Variants in DBF4 observed in about 807,000 individuals in gnomAD.
DBF4 encodes protein DBF4 homolog A.
A neutral mutation model predicts 76.6 loss-of-function variants in DBF4; 25 were observed. The observed-to-expected ratio is 0.33, with a 90% CI of 0.24 to 0.46. The LOEUF (loss-of-function observed/expected upper bound fraction) is 0.46, where lower values mean the gene tolerates loss of function less well. DBF4 is among the 20% of genes least tolerant of loss of function. The pLI is 1.00. For synonymous variants in DBF4, 213 were observed against 258.0 expected (o/e 0.83, Z 1.67); for missense variants, 638 against 760.8 (o/e 0.84, Z 1.90).
chr7:87,905,196 G>T (rs1032041697), intron 11 of DBF4, among the ~76,000 whole-genome samples: 3 of 152,186 alleles, frequency 2.0e-5, no homozygotes, highest in African/African-American at 7.2e-5. Context: ...TGATATTTTA[G>T]GTTTTGTGAG....
At chr7:87,893,668 T>C (rs1839553837) in intron 6 of DBF4, among the ~76,000 whole-genome samples, 1 of 152,232 alleles carries the variant, frequency 6.6e-6, no homozygotes, top group Admixed American at 6.5e-5. Context: ...TTTTTATTAG[T>C]ATTTACATAG....
At chr7:87,901,021 C>G in intron 10 of DBF4, 143 bp downstream of exon 10, 1 of 678,806 alleles carries the variant, frequency 1.5e-6, no homozygotes, top group Non-Finnish European at 2.5e-6. Flanking sequence ...AATTTTTATT[C>G]AGCAAATACT....
chr7:87,886,102 A>C (rs1010576037), intron 3 of DBF4, among the ~76,000 whole-genome samples: 1 of 152,194 alleles, frequency 6.6e-6, no homozygotes, highest in Non-Finnish European at 1.5e-5. Context: ...TAGAAGAAAG[A>C]ATGGAAAAGA....
intron 6 of DBF4, chr7:87,888,430 G>T (rs961644962): frequency 2.3e-5 from 15 of 643,350 alleles, no homozygotes; most frequent in Non-Finnish European, 2.9e-5. Flanking sequence ...TGCTCTAAAT[G>T]GTATAACAAA....
At chr7:87,899,097 A>G (rs574772346) in intron 8 of DBF4, among the ~76,000 whole-genome samples, 3 of 152,316 alleles carry the variant, frequency 2.0e-5, no homozygotes, top group Non-Finnish European at 2.9e-5. Flanking sequence ...AATTAACTCA[A>G]AATGGACCAA....
chr7:87,893,101 T>C (rs1205420562), intron 6 of DBF4, among the ~76,000 whole-genome samples: 1 of 152,214 alleles, frequency 6.6e-6, no homozygotes, highest in Non-Finnish European at 1.5e-5. Flanking sequence ...TCAGGCCTTG[T>C]TCTGTCCACT....
At chr7:87,897,844 G>T (rs556521688) in intron 8 of DBF4, among the ~76,000 whole-genome samples, 1 of 152,130 alleles carries the variant, frequency 6.6e-6, no homozygotes, top group African/African-American at 2.4e-5. Flanking sequence ...GCACGATCTC[G>T]GCTCACTGCA....
chr7:87,886,756 CA>C, intron 3 of DBF4, 87 bp from the exon 4 acceptor site: 1 of 815,330 alleles, frequency 1.2e-6, no homozygotes. Context: ...ATATGAGACC[CA>C]AAAGTTCTCT....
intron 2 of DBF4, 58 bp downstream of exon 2, chr7:87,878,283 T>A: frequency 7.6e-7 from 1 of 1,314,074 alleles, no homozygotes. Flanking sequence ...TACTTTCTAC[T>A]GTGTAATCAT....
At chr7:87,884,052 T>C (rs1025318447) in intron 2 of DBF4, among the ~76,000 whole-genome samples, 3 of 152,170 alleles carry the variant, frequency 2.0e-5, no homozygotes, top group Non-Finnish European at 4.4e-5. Context: ...TCAAACATTT[T>C]AGTAAAGAAA....
At position 87,908,229 on chromosome 7, in the gene DBF4, T is replaced by C; in HGVS notation, c.*66T>C. ...TATTCTTGAAATTTTTATAAATATG[T>C]ATGGAAATTCTTAGGATTTTTTTAC... On this transcript the variant is annotated 3_prime_UTR_variant, in exon 12 of 12. Coordinates refer to ENST00000265728, the MANE Select transcript of DBF4 (RefSeq NM_006716.4). 1 of 1,342,422 alleles carries C rather than the reference T, an allele frequency of 7.4e-7. No homozygotes were observed. Among genetic ancestry groups the C allele is most frequent in the African/African-American group, 1.5e-5 (1 of 66,582 alleles). The allele number at this position is 1,342,422 out of a possible 1,614,324, so 83.2% of individuals were successfully genotyped here.
At chr7:87,901,444 A>AT (rs985872068) in intron 10 of DBF4, among the ~76,000 whole-genome samples, 12 of 152,312 alleles carry the variant, frequency 7.9e-5, no homozygotes, top group African/African-American at 2.9e-4. Flanking sequence ...CAGATTGTGG[A>AT]TTTGTTTTAA....
intron 5 of DBF4, 62 bp downstream of exon 5, chr7:87,887,460 G>T: frequency 6.8e-7 from 1 of 1,478,922 alleles, no homozygotes; most frequent in South Asian, 1.3e-5. Context: ...CTGTCCTTTG[G>T]TTCCTGACTT....
At chr7:87,878,027 C>T (rs748795751) in intron 1 of DBF4, 26 bp from the exon 2 acceptor site, 16 of 1,522,262 alleles carry the variant, frequency 1.1e-5, no homozygotes, top group Non-Finnish European at 8.9e-6. Context: ...CTGTGTAAAA[C>T]ATCTGATTCT....
At chr7:87,893,499 C>G (rs1456600238) in intron 6 of DBF4, among the ~76,000 whole-genome samples, 2 of 152,060 alleles carry the variant, frequency 1.3e-5, no homozygotes, top group African/African-American at 4.8e-5. Context: ...CCCGCCTCGG[C>G]CTCCCAAAGT....
At position 87,878,286 on chromosome 7, in the gene DBF4, G is replaced by A. The variant is rs1006975034; in HGVS notation, c.219+61G>A. On this transcript the variant is annotated intron_variant, in intron 2 of 11. Transcript: ENST00000265728. ...ATTTGTAACTAGTACTTTCTACTGT[G>A]TAATCATTTAAATTTTTCATTTTGG... is the stretch of plus-strand genomic sequence containing the variant. 5 of 1,304,760 alleles carry A rather than the reference G, an allele frequency of 3.8e-6. No homozygotes were observed. The African/African-American group carries it at 7.5e-5, about 20-fold the overall frequency. The allele number at this position is 1,304,760 out of a possible 1,614,324, so 80.8% of individuals were successfully genotyped here.
At chr7:87,878,685 G>T (rs1482209150) in intron 2 of DBF4, 1 of 152,766 alleles carries the variant, frequency 6.5e-6, no homozygotes, top group East Asian at 1.9e-4. Flanking sequence ...TAAAGGAAAA[G>T]AAATTTGCAT....
At chr7:87,896,634 A>G in intron 7 of DBF4, 124 bp downstream of exon 7, 1 of 807,402 alleles carries the variant, frequency 1.2e-6, no homozygotes, top group Non-Finnish European at 1.9e-6. Flanking sequence ...TTTATAGAAC[A>G]TAGATCCTTG....
rs149979540 is a variant in DBF4, at chr7:87,904,392, A to G, written c.1025A>G (p.Glu342Gly). The change falls in exon 11 of 12, where the codon GAA (glutamate) becomes GGA (glycine). Residue 342 changes from glutamate (E) to glycine (G), a missense_variant. Glu to Gly is a moderately conservative substitution (Grantham distance 98). Coordinates refer to ENST00000265728, the MANE Select transcript of DBF4 (RefSeq NM_006716.4). Reference sequence around the variant, plus strand: ...TTAGTTTTTGACTTTGTGGAATATGAAAAGGACACACCTAAAAAGAAAAGG... The same window carrying G: ...TTAGTTTTTGACTTTGTGGAATATGGAAAGGACACACCTAAAAAGAAAAGG... ...SKLVFDFVEY[E>G]KDTPKKKRIK... The G allele has an allele frequency of 1.3e-3, 2,144 of 1,612,840 alleles. 6 individuals are homozygous for G. The highest frequency in any genetic ancestry group is 1.7e-3 in the Non-Finnish European group (2,041 of 1,179,530).
Sources: allele counts gnomAD v4.1 joint callset (sites outside exome capture counted in the v4.1 genomes callset), GRCh38; gene constraint gnomAD v4.1.1; transcripts MANE v1.5; gene names NCBI Gene and HGNC (gene_info 2026-07-23, HGNC 2026-07-21).